CELF5: variants seen among roughly 807,000 people sequenced by gnomAD.
CELF5 encodes the protein CUGBP Elav-like family member 5.
A neutral mutation model predicts 54.9 loss-of-function variants in CELF5; 6 were observed. That is an observed-to-expected ratio of 0.11 (90% CI 0.06 to 0.22). CELF5 has a LOEUF of 0.22. CELF5 is among the 10% of genes least tolerant of loss of function. The probability of loss-of-function intolerance (pLI) is 1.00; values close to 1 mark genes in which losing one functional copy is unlikely to be tolerated. For missense variants in CELF5, 401 were observed against 678.6 expected, an observed-to-expected ratio of 0.59 and a Z score of 4.54; for synonymous variants, 271 against 290.9, an observed-to-expected ratio of 0.93 and a Z score of 0.70.
intron 2 of CELF5, 34 bp from the exon 3 acceptor site, chr19:3,273,837 TA>T: frequency 6.7e-7 from 1 of 1,489,762 alleles, no homozygotes; most frequent in Non-Finnish European, 9.4e-7. Context: ...CCCCCACTGC[TA>T]AGCTTGACTT....
intron 1 of CELF5, among the ~76,000 whole-genome samples, chr19:3,238,295 A>T (rs1332166792): frequency 3.3e-5 from 5 of 152,124 alleles, no homozygotes; most frequent in Non-Finnish European, 5.9e-5. Flanking sequence ...TTCTGACAGT[A>T]CTTCCCTCTG....
At chr19:3,279,900 A>T (rs1395556136) in intron 5 of CELF5, among the ~76,000 whole-genome samples, 1 of 152,068 alleles carries the variant, frequency 6.6e-6, no homozygotes, top group Non-Finnish European at 1.5e-5. Flanking sequence ...ACGGGGTTTC[A>T]CCATGTTGGT....
chr19:3,292,948 C>T (rs2080375681), intron 11 of CELF5, among the ~76,000 whole-genome samples: 1 of 152,100 alleles, frequency 6.6e-6, no homozygotes, highest in Admixed American at 6.6e-5. Context: ...ACACAGTCAG[C>T]TGGAGACACA....
intron 1 of CELF5, among the ~76,000 whole-genome samples, chr19:3,243,824 C>T (rs987426457): frequency 3.9e-5 from 6 of 152,014 alleles, no homozygotes; most frequent in Non-Finnish European, 7.4e-5. Flanking sequence ...GTAAAGGCAT[C>T]GTCCCATCTC....
chr19:3,273,851 C>T lies in CELF5; in HGVS notation c.343-21C>T, dbSNP rs370898739. 1.6e-5 allele frequency: 24 copies of T among 1,498,430 alleles called. No homozygotes were observed. The African/African-American group carries it at 2.1e-4, about 13-fold the overall frequency. The allele number at this position is 1,498,430 out of a possible 1,614,324, so 92.8% of individuals were successfully genotyped here. A position where few individuals can be genotyped will look rare whatever the true frequency, so the allele number is the denominator to read the frequency against. ...ACCCCCACTGCTAAGCTTGACTTTTCCCTTCCCCCTCTCTCTGCAGATGGC... is the reference window on the plus strand; with the variant it reads ...ACCCCCACTGCTAAGCTTGACTTTTTCCTTCCCCCTCTCTCTGCAGATGGC... On this transcript the variant is annotated intron_variant, in intron 2 of 12. Coordinates refer to ENST00000292672, the MANE Select transcript of CELF5 (RefSeq NM_021938.4).
At chr19:3,245,369 T>C (rs1247165814) in intron 1 of CELF5, among the ~76,000 whole-genome samples, 1 of 147,082 alleles carries the variant, frequency 6.8e-6, no homozygotes, top group East Asian at 2.0e-4. Context: ...TGTGTGTGTG[T>C]GCGTGTGTGT....
At chr19:3,286,732 A>AAAAC in intron 10 of CELF5, 1 of 8,184 alleles carries the variant, frequency 1.2e-4, no homozygotes, top group Non-Finnish European at 2.9e-4. Context: ...ACTCCATCTC[A>AAAAC]AAAAAAAAAA....
chr19:3,262,243 G>A (rs140279631), intron 2 of CELF5, among the ~76,000 whole-genome samples: 1,712 of 152,096 alleles, frequency 0.011, 13 homozygotes, highest in Middle Eastern at 0.044. Flanking sequence ...TGGCCAGGCT[G>A]GTCTCAAACT....
chr19:3,284,883 C>A lies in CELF5; in HGVS notation c.1040-19C>A. 6.2e-7 allele frequency: 1 copy of A among 1,611,266 alleles called. No homozygotes were observed. The highest frequency in any genetic ancestry group is 8.5e-7 in the Non-Finnish European group (1 of 1,178,350). On this transcript the variant is annotated intron_variant, in intron 8 of 12. Coordinates refer to ENST00000292672, the MANE Select transcript of CELF5 (RefSeq NM_021938.4). ...CTTCTGCTGCTCCCGCCCCACTCAG[C>A]CCCTCTGTCTGCCCGCAGCTCAGAG...
chr19:3,236,222 G>A (rs538491036), intron 1 of CELF5, among the ~76,000 whole-genome samples: 23 of 152,300 alleles, frequency 1.5e-4, no homozygotes, highest in Non-Finnish European at 2.2e-4. Flanking sequence ...CGTCTGTCTC[G>A]GTTTTCCTAG....
chr19:3,281,237 G>A lies in CELF5; in HGVS notation c.642G>A (p.Thr214=), dbSNP rs760925971. The change falls in exon 6 of 13, where the codon ACG becomes ACA. Residue 214 remains threonine (T), a synonymous_variant. Transcript: ENST00000292672. This position sits in a 1 kb window ranked among gnomAD's most constrained non-coding sequence, Gnocchi z 6.5. ...GCCTGGTGGTCAAGTTCGCCGACAC[G>A]GACAAGGAGCGGACGCTCCGGCGCA... is the stretch of plus-strand genomic sequence containing the variant. ...SSSLVVKFAD[T]DKERTLRRMQ... The A allele has an allele frequency of 1.5e-5, 24 of 1,610,066 alleles. No homozygotes were observed. Among genetic ancestry groups the A allele is most frequent in the African/African-American group, 6.7e-5 (5 of 74,940 alleles).
In CELF5 at chr19:3,252,194, A is replaced by G. The variant is rs192153877; in HGVS notation, c.342+1127A>G. 2.8e-3 allele frequency among the ~76,000 whole-genome samples: 419 copies of G among 152,066 alleles called. 3 individuals are homozygous for G. The highest frequency in any genetic ancestry group is 9.8e-3 in the African/African-American group (407 of 41,484). On this transcript the variant is annotated intron_variant, in intron 2 of 12. Transcript: ENST00000292672. Reference sequence around the variant, plus strand: ...TGGGACTATAGGTGCATGCCATCACACGTGGCTAATTTTTTAATTTTTGTA... The same window carrying G: ...TGGGACTATAGGTGCATGCCATCACGCGTGGCTAATTTTTTAATTTTTGTA...
chr19:3,273,335 C>A (rs1398758138), intron 2 of CELF5, among the ~76,000 whole-genome samples: 1 of 151,786 alleles, frequency 6.6e-6, no homozygotes, highest in Non-Finnish European at 1.5e-5. Context: ...GTCAGAGAGG[C>A]CTCTGTCTCC....
chr19:3,241,343 A>G (rs2079488193), intron 1 of CELF5, among the ~76,000 whole-genome samples: 2 of 151,830 alleles, frequency 1.3e-5, no homozygotes, highest in Non-Finnish European at 2.9e-5. Context: ...TGCCTCCCAA[A>G]GTGCTGGGAT....
intron 1 of CELF5, among the ~76,000 whole-genome samples, chr19:3,246,436 G>A (rs1187634821): frequency 6.6e-6 from 1 of 151,636 alleles, no homozygotes; most frequent in Non-Finnish European, 1.5e-5. Flanking sequence ...GGGTGCAGTG[G>A]CTTATGCCTA....
intron 1 of CELF5, among the ~76,000 whole-genome samples, chr19:3,248,937 TTTTCTTTTC>T (rs1235601819): frequency 2.2e-4 from 33 of 149,530 alleles, no homozygotes; most frequent in African/African-American, 5.2e-4. Flanking sequence ...TTTTCTTTTC[TTTTCTTTTC>T]TTTCTTTTCT....
chr19:3,226,107 G>C (rs1916892790), intron 1 of CELF5, among the ~76,000 whole-genome samples: 1 of 150,916 alleles, frequency 6.6e-6, no homozygotes, highest in African/African-American at 2.4e-5. Context: ...CACTTCAAAG[G>C]CCTTGTGCTG....
At chr19:3,293,243 A>G in intron 11 of CELF5, 76 bp from the exon 12 acceptor site, 1 of 1,581,568 alleles carries the variant, frequency 6.3e-7, no homozygotes, top group Non-Finnish European at 8.6e-7. Context: ...TGAGCCGGGA[A>G]GCCAGGGCCA....
At chr19:3,263,765 C>T (rs774887427) in intron 2 of CELF5, among the ~76,000 whole-genome samples, 5 of 151,372 alleles carry the variant, frequency 3.3e-5, no homozygotes, top group African/African-American at 9.7e-5. Context: ...ATGAGCCGGG[C>T]GTGGTGGTGG....
Sources: gnomAD v4.1 joint callset for allele counts (sites outside exome capture counted in the v4.1 genomes callset) on GRCh38, gnomAD v4.1.1 for gene constraint, Gnocchi (gnomAD v3.1) non-coding constraint, MANE v1.5 for transcripts, NCBI Gene and HGNC (gene_info 2026-07-23, HGNC 2026-07-21) for gene names.